The following PRKG1 variants were observed in gnomAD, a reference collection of about 807,000 sequenced individuals.
PRKG1 encodes the protein protein kinase cGMP-dependent 1, also known as cGMP-dependent protein kinase 1.
In PRKG1, 35 loss-of-function variants were observed where a neutral mutation model predicts 88.1. The observed-to-expected ratio is 0.40, with a 90% CI of 0.30 to 0.53. The LOEUF (loss-of-function observed/expected upper bound fraction) is 0.53, where lower values mean the gene tolerates loss of function less well. Ranked by LOEUF, PRKG1 falls within the 20% of genes least tolerant of loss-of-function variation. PRKG1 has a pLI of 0.59. For synonymous variants in PRKG1, 303 were observed against 292.5 expected (o/e 1.04, Z -0.37); for missense variants, 540 against 839.8 (o/e 0.64, Z 4.41).
At chr10:51,290,689 C>A (rs1323241935) in intron 2 of PRKG1, among the ~76,000 whole-genome samples, 3 of 152,044 alleles carry the variant, frequency 2.0e-5, no homozygotes, top group Admixed American at 2.0e-4. Context: ...TAGGCCACCC[C>A]ACCCCGGTAA....
rs1280865329 is a variant in PRKG1 at position 52,298,224 on chromosome 10, T to C, written c.*4324T>C. On this transcript the variant is annotated 3_prime_UTR_variant, in exon 18 of 18. Transcript: ENST00000373980. The stretch of plus-strand genomic sequence containing the variant: ...TCATTGACCACTTGCACTCTTTTGA[T>C]GTAGATTAAAAACTTTTTCATAAAT... 1 of 151,998 alleles carries C rather than the reference T, an allele frequency of 6.6e-6. No homozygotes were observed. The highest frequency in any genetic ancestry group is 1.5e-5 in the Non-Finnish European group (1 of 68,016). 9.4% of individuals were successfully genotyped at this position (151,998 alleles called of 1,614,324 possible).
intron 4 of PRKG1, among the ~76,000 whole-genome samples, chr10:51,808,414 T>A (rs1311606541): frequency 2.6e-5 from 4 of 152,114 alleles, no homozygotes; most frequent in Non-Finnish European, 5.9e-5. Context: ...TTGGTCAACA[T>A]GTGCAACCCT....
intron 3 of PRKG1, among the ~76,000 whole-genome samples, chr10:51,756,176 A>G (rs188758771): frequency 2.0e-5 from 3 of 152,330 alleles, no homozygotes; most frequent in Admixed American, 1.3e-4. Flanking sequence ...AATTAAAGAT[A>G]CAATAATTGT....
intron 2 of PRKG1, among the ~76,000 whole-genome samples, chr10:51,450,059 A>G (rs2132768259): frequency 6.6e-6 from 1 of 152,152 alleles, no homozygotes; most frequent in East Asian, 1.9e-4. Flanking sequence ...CATATTATTC[A>G]TAGATGGTCT....
intron 2 of PRKG1, among the ~76,000 whole-genome samples, chr10:51,197,561 A>G (rs1428720560): frequency 1.3e-5 from 2 of 152,078 alleles, no homozygotes; most frequent in African/African-American, 4.8e-5. Context: ...GATGTAAGCC[A>G]CTGTGCCTGG....
In PRKG1 at chr10:51,250,106, A is replaced by C. The variant is rs541014601; in HGVS notation, c.478+96776A>C. On this transcript the variant is annotated intron_variant, in intron 2 of 17. Transcript: ENST00000373980. ...AAGTGAGGCTTGTCCCTCTCATTGCAGGGTTGCTGTGGTTTAACTCCCCAA... is the reference window on the plus strand; with the variant it reads ...AAGTGAGGCTTGTCCCTCTCATTGCCGGGTTGCTGTGGTTTAACTCCCCAA... Among the ~76,000 whole-genome samples, 5 of 151,844 alleles carry C rather than the reference A, an allele frequency of 3.3e-5. No individual in the cohort carries two copies. In the South Asian group the frequency reaches 6.2e-4, roughly 19 times the overall value.
At chr10:51,370,472 G>A (rs1224886500) in intron 2 of PRKG1, among the ~76,000 whole-genome samples, 2 of 147,014 alleles carry the variant, frequency 1.4e-5, no homozygotes, top group African/African-American at 5.0e-5. Flanking sequence ...GAGAGAGAGA[G>A]AAAGAGACAG....
chr10:51,447,016 G>A (rs748423691), intron 2 of PRKG1, among the ~76,000 whole-genome samples: 1 of 151,936 alleles, frequency 6.6e-6, no homozygotes, highest in Non-Finnish European at 1.5e-5. Flanking sequence ...GGCACCAGTT[G>A]TTTCAGAATT....
At position 50,991,370 on chromosome 10, in the gene PRKG1, A is replaced by G; in HGVS notation, c.-9A>G. The G allele has an allele frequency of 6.6e-7, 1 of 1,519,360 alleles. No homozygotes were observed. The highest frequency in any genetic ancestry group is 1.2e-5 in the South Asian group (1 of 80,988). The allele number at this position is 1,519,360 out of a possible 1,614,324, so 94.1% of individuals were successfully genotyped here. ...GAGAAAAAGTTTCGCGGAGGGGCTC[A>G]GTGAAAAAATGAGCGAGCTAGAGGA... On this transcript the variant is annotated 5_prime_UTR_variant, in exon 1 of 18. Coordinates refer to the PRKG1 transcript ENST00000401604. This position sits in a 1 kb window ranked among gnomAD's most constrained non-coding sequence, Gnocchi z 4.5.
intron 2 of PRKG1, among the ~76,000 whole-genome samples, chr10:51,463,639 C>G (rs1839803087): frequency 1.3e-5 from 2 of 152,292 alleles, no homozygotes; most frequent in Middle Eastern, 3.4e-3. Flanking sequence ...TTATTCTTAG[C>G]TTTCTTAGGT....
At chr10:51,430,820 G>A (rs1410241290) in intron 2 of PRKG1, among the ~76,000 whole-genome samples, 1 of 152,098 alleles carries the variant, frequency 6.6e-6, no homozygotes, top group Non-Finnish European at 1.5e-5. Flanking sequence ...ATTACACTAA[G>A]GGAAAGAAGC....
intron 1 of PRKG1, among the ~76,000 whole-genome samples, chr10:51,016,469 T>C (rs1452322147): frequency 1.3e-5 from 2 of 152,106 alleles, no homozygotes; most frequent in African/African-American, 2.4e-5. Context: ...GCTTCTGTAA[T>C]AAATGGAAAA....
In PRKG1 at chr10:52,218,339, T is replaced by C. The variant is rs181009206; in HGVS notation, c.1077-33231T>C. On this transcript the variant is annotated intron_variant, in intron 9 of 17. Transcript: ENST00000373980. Reference sequence around the variant, plus strand: ...AAAGGGGCTGCTCTTTTGCCTGGCATTGAGGTAGCAAGCACAAGGCCATAT... The same window carrying C: ...AAAGGGGCTGCTCTTTTGCCTGGCACTGAGGTAGCAAGCACAAGGCCATAT... Among the ~76,000 whole-genome samples, 350 of 151,838 alleles carry C rather than the reference T, an allele frequency of 2.3e-3. 4 individuals are homozygous for C. The highest frequency in any genetic ancestry group is 4.2e-3 in the Admixed American group (64 of 15,242).
chr10:51,705,759 T>C (rs911246617), intron 3 of PRKG1, among the ~76,000 whole-genome samples: 2 of 152,346 alleles, frequency 1.3e-5, no homozygotes, highest in Admixed American at 1.3e-4. Context: ...AGTTAACTAG[T>C]GTGCCTATGT....
chr10:51,783,139 T>C (rs954219940), intron 3 of PRKG1, among the ~76,000 whole-genome samples: 20 of 152,136 alleles, frequency 1.3e-4, no homozygotes, highest in African/African-American at 4.8e-4. Context: ...CCTCCTGATT[T>C]TCCTTCAGGT....
chr10:52,253,958 G>C (rs994909583), intron 10 of PRKG1, among the ~76,000 whole-genome samples: 2 of 151,916 alleles, frequency 1.3e-5, no homozygotes, highest in Non-Finnish European at 2.9e-5. Context: ...ATTGTCTTCA[G>C]TATTCAATGT....
intron 3 of PRKG1, among the ~76,000 whole-genome samples, chr10:51,730,177 G>C (rs1842238864): frequency 6.6e-6 from 1 of 152,208 alleles, no homozygotes; most frequent in African/African-American, 2.4e-5. Context: ...AATTGGAGCT[G>C]ATGCTCCAGA....
intron 2 of PRKG1, among the ~76,000 whole-genome samples, chr10:51,365,860 T>G (rs1842577246): frequency 6.6e-6 from 1 of 151,896 alleles, no homozygotes; most frequent in Admixed American, 6.6e-5. Context: ...AGTAATCTTA[T>G]TTCCAAGCTG....
At chr10:51,420,260 T>C (rs916624540) in intron 2 of PRKG1, among the ~76,000 whole-genome samples, 11 of 152,122 alleles carry the variant, frequency 7.2e-5, no homozygotes, top group Non-Finnish European at 1.3e-4. Context: ...GTATTAGTAT[T>C]ACTATCTGAA....
Sources: gnomAD v4.1 joint callset for allele counts (sites outside exome capture counted in the v4.1 genomes callset) on GRCh38, gnomAD v4.1.1 for gene constraint, Gnocchi (gnomAD v3.1) non-coding constraint, MANE v1.5 for transcripts, NCBI Gene and HGNC (gene_info 2026-07-23, HGNC 2026-07-21) for gene names.